SPIRE1: variants seen among roughly 807,000 people sequenced by gnomAD.
SPIRE1 encodes the protein spire type actin nucleation factor 1.
In SPIRE1, 40 loss-of-function variants were observed where a neutral mutation model predicts 94.1. The ratio of observed to expected loss-of-function variants is 0.43; its 90% confidence interval spans 0.33 to 0.55. The LOEUF is 0.55. SPIRE1 is among the 20% of genes least tolerant of loss of function. The probability of loss-of-function intolerance (pLI) is 0.06; values close to 1 mark genes in which losing one functional copy is unlikely to be tolerated. For synonymous variants in SPIRE1, 376 were observed against 371.7 expected (o/e 1.01, Z -0.13); for missense variants, 838 against 975.2 (o/e 0.86, Z 1.87).
At chr18:12,475,077 G>A (rs1472759724) in intron 10 of SPIRE1, among the ~76,000 whole-genome samples, 3 of 152,142 alleles carry the variant, frequency 2.0e-5, no homozygotes, top group Non-Finnish European at 4.4e-5. Flanking sequence ...ATGCAGTAAG[G>A]AGCAGAGGTT....
In SPIRE1 at chr18:12,610,373, ATC is replaced by A. The variant is rs536871026; in HGVS notation, c.372+24687_372+24688del. Among the ~76,000 whole-genome samples the A allele has an allele frequency of 1.2e-3, 181 of 152,150 alleles. 1 individual carries two copies. Among genetic ancestry groups the A allele is most frequent in the African/African-American group, 4.2e-3 (174 of 41,520 alleles). ...TTCCCTCTAATATTTGACTCCAGTA[ATC>A]TTTCAACCCCATCAGGCCCTACCAT... On this transcript the variant is annotated intron_variant, in intron 2 of 16. Coordinates refer to ENST00000409402, the MANE Select transcript of SPIRE1 (RefSeq NM_001128626.2).
At chr18:12,547,803 G>T (rs1416112573) in intron 2 of SPIRE1, among the ~76,000 whole-genome samples, 1 of 152,186 alleles carries the variant, frequency 6.6e-6, no homozygotes, top group Non-Finnish European at 1.5e-5. Context: ...TGAGCTGGGC[G>T]TGGTGGCGTG....
At chr18:12,468,062 T>TA (rs1327957693) in intron 10 of SPIRE1, among the ~76,000 whole-genome samples, 4 of 152,242 alleles carry the variant, frequency 2.6e-5, no homozygotes, top group African/African-American at 7.2e-5. Context: ...GGAAACCAGT[T>TA]AGAGTTAAAT....
chr18:12,584,370 C>T (rs1490723218), intron 2 of SPIRE1, among the ~76,000 whole-genome samples: 2 of 151,426 alleles, frequency 1.3e-5, no homozygotes, highest in Non-Finnish European at 2.9e-5. Context: ...GCAGAGGTTG[C>T]AGTGAGCAGA....
At chr18:12,609,891 C>A (rs1419662233) in intron 2 of SPIRE1, among the ~76,000 whole-genome samples, 5 of 152,104 alleles carry the variant, frequency 3.3e-5, no homozygotes. Context: ...TTCCCTAGAT[C>A]TTTAACATCT....
upstream of SPIRE1, among the ~76,000 whole-genome samples, chr18:12,659,454 G>A (rs1448652353): frequency 6.6e-6 from 1 of 152,106 alleles, no homozygotes; most frequent in Non-Finnish European, 1.5e-5. Flanking sequence ...GATCACTGAG[G>A]TCAGGAGTTC....
chr18:12,521,955 C>T (rs1006570819), intron 4 of SPIRE1, among the ~76,000 whole-genome samples: 1 of 152,166 alleles, frequency 6.6e-6, no homozygotes, highest in Admixed American at 6.5e-5. Context: ...TGGGGCCTCC[C>T]TATTCCGTGA....
Position 12,608,129 on chromosome 18 carries a change from G to T in SPIRE1, c.372+26933C>A, listed in dbSNP as rs576788077. On this transcript the variant is annotated intron_variant, in intron 2 of 16. Transcript: ENST00000409402. ...GCCGAGATCGCGCCACTGCACTCCA[G>T]CCTGGGTGACAGAGCGAGACTCCAT... 1.1e-3 allele frequency among the ~76,000 whole-genome samples: 162 copies of T among 145,992 alleles called. 1 individual carries two copies. Among genetic ancestry groups the T allele is most frequent in the East Asian group, 7.0e-3 (35 of 4,982 alleles).
chr18:12,553,074 C>T (rs775641686), intron 2 of SPIRE1, among the ~76,000 whole-genome samples: 10 of 151,888 alleles, frequency 6.6e-5, no homozygotes, highest in Non-Finnish European at 1.5e-4. Flanking sequence ...AGCAGCAATA[C>T]CCAGGTAGTA....
At chr18:12,495,748 G>C (rs2033433192) in intron 7 of SPIRE1, among the ~76,000 whole-genome samples, 1 of 152,066 alleles carries the variant, frequency 6.6e-6, no homozygotes, top group Non-Finnish European at 1.5e-5. Context: ...AAGTTAGCCT[G>C]GGCATGGTGG....
rs2038590132 is a variant in SPIRE1, at chr18:12,657,640, C to A, written c.227G>T (p.Arg76Leu). The A allele has an allele frequency of 1.5e-6, 2 of 1,309,314 alleles. No individual in the cohort carries two copies. Among genetic ancestry groups the A allele is most frequent in the Non-Finnish European group, 1.9e-6 (2 of 1,027,516 alleles). The allele number at this position is 1,309,314 out of a possible 1,614,324, so 81.1% of individuals were successfully genotyped here. Residue 76 changes from arginine to leucine, a missense_variant, in exon 1 of 17, where the codon CGC (arginine) becomes CTC (leucine). By Grantham distance (102) the Arg-to-Leu change is moderately radical. Coordinates refer to ENST00000409402, the MANE Select transcript of SPIRE1 (RefSeq NM_001128626.2). Reference sequence around the variant, plus strand: ...CGAGCGCACACGGTGGCGGGGCTGGCGGCGGCGGGCGGCGGCGCGCAGGGA... The same window carrying A: ...CGAGCGCACACGGTGGCGGGGCTGGAGGCGGCGGGCGGCGGCGCGCAGGGA... ...CGSLRAAARR[R>L]QPRHRVRSAA...
rs1336603166 is a variant in SPIRE1, at chr18:12,451,627, G to A, written c.2012+628C>T. Among the ~76,000 whole-genome samples the A allele has an allele frequency of 3.3e-5, 5 of 152,090 alleles. No individual in the cohort carries two copies. In the South Asian group the frequency reaches 1.0e-3, roughly 32 times the overall value. Reference sequence around the variant, plus strand: ...GCTGGGCTCACAGCTTCCTCGCCTCGCTGTCCACAGAGCCAGGACATGTGG... The same window carrying A: ...GCTGGGCTCACAGCTTCCTCGCCTCACTGTCCACAGAGCCAGGACATGTGG... On this transcript the variant is annotated intron_variant, in intron 16 of 16. Coordinates refer to ENST00000409402, the MANE Select transcript of SPIRE1 (RefSeq NM_001128626.2).
At chr18:12,541,215 A>G (rs896250471) in intron 3 of SPIRE1, among the ~76,000 whole-genome samples, 1 of 152,224 alleles carries the variant, frequency 6.6e-6, no homozygotes, top group African/African-American at 2.4e-5. Flanking sequence ...TTTCCTATGT[A>G]ATTATAACCC....
At chr18:12,487,072 C>T (rs1486174348) in intron 8 of SPIRE1, among the ~76,000 whole-genome samples, 2 of 152,214 alleles carry the variant, frequency 1.3e-5, no homozygotes, top group South Asian at 2.1e-4. Flanking sequence ...AGGCTGGTCT[C>T]GAACTCCTGA....
intron 4 of SPIRE1, among the ~76,000 whole-genome samples, chr18:12,518,047 C>G (rs1377111179): frequency 6.6e-6 from 1 of 152,182 alleles, no homozygotes; most frequent in Non-Finnish European, 1.5e-5. Context: ...GAGTCTCACT[C>G]TGTTGACCAG....
At chr18:12,469,685 T>C (rs2032267986) in intron 10 of SPIRE1, among the ~76,000 whole-genome samples, 2 of 144,044 alleles carry the variant, frequency 1.4e-5, no homozygotes, top group Admixed American at 1.4e-4. Context: ...ATATATAACA[T>C]ATATAATTTG....
chr18:12,616,554 A>C (rs977008476), intron 2 of SPIRE1, among the ~76,000 whole-genome samples: 5 of 152,332 alleles, frequency 3.3e-5, no homozygotes, highest in Admixed American at 1.3e-4. Context: ...GAATTTTGAT[A>C]ATTTTAGTAA....
upstream of SPIRE1, chr18:12,661,889 GAAC>G (rs2038700217): frequency 5.8e-6 from 1 of 173,546 alleles, no homozygotes; most frequent in South Asian, 1.2e-4. Context: ...TAAAATGTCT[GAAC>G]AACTCAAATC....
Position 12,559,459 on chromosome 18 carries a change from C to G in SPIRE1, c.373-12555G>C, listed in dbSNP as rs1045574939. Among the ~76,000 whole-genome samples the G allele has an allele frequency of 2.0e-5, 3 of 152,164 alleles. No individual in the cohort carries two copies. Among genetic ancestry groups the G allele is most frequent in the Admixed American group, 6.5e-5 (1 of 15,280 alleles). On this transcript the variant is annotated intron_variant, in intron 2 of 16. Transcript: ENST00000409402. The surrounding 1 kb of genome is among the most constrained non-coding windows in gnomAD (Gnocchi z 4.7). ...ACCACGCGCAGCCCTGGTTGCCACC[C>G]GCGCCTCTCCCTCCACACCTCCCTG... is the stretch of plus-strand genomic sequence containing the variant.
Sources: gnomAD v4.1 joint callset for allele counts (sites outside exome capture counted in the v4.1 genomes callset) on GRCh38, gnomAD v4.1.1 for gene constraint, Gnocchi (gnomAD v3.1) non-coding constraint, MANE v1.5 for transcripts, NCBI Gene and HGNC (gene_info 2026-07-23, HGNC 2026-07-21) for gene names.